Variants in MRPL19 observed in about 807,000 individuals in gnomAD.
The protein encoded by MRPL19 is mitochondrial ribosomal protein L19, also known as large ribosomal subunit protein bL19m.
In MRPL19, 31 loss-of-function variants were observed where a neutral mutation model predicts 34.0. The observed-to-expected ratio is 0.91, with a 90% CI of 0.68 to 1.23. The LOEUF (loss-of-function observed/expected upper bound fraction) is 1.23. Among genes scored for constraint, MRPL19 ranks in the 50% most tolerant of loss-of-function variants. The probability of loss-of-function intolerance (pLI) is 0.00; values close to 1 mark genes in which losing one functional copy is unlikely to be tolerated. For missense variants in MRPL19, 384 were observed against 367.6 expected (o/e 1.04, Z -0.37); for synonymous variants, 152 against 127.7 (o/e 1.19, Z -1.28).
chr2:75,652,686 C>A, intron 4 of MRPL19, 29 bp downstream of exon 4: 1 of 1,596,126 alleles, frequency 6.3e-7, no homozygotes, highest in South Asian at 1.1e-5. Context: ...TTTTCATTGT[C>A]TAGAAAATGT....
At chr2:75,651,479 C>G in intron 2 of MRPL19, 1 of 527,228 alleles carries the variant, frequency 1.9e-6, no homozygotes. Flanking sequence ...CTAGTGCAGT[C>G]ATATACCATC....
In MRPL19 at chr2:75,658,809, G is replaced by A. The variant is rs1172830035; in HGVS notation, c.*3524G>A. ...ACTGTAGTTTTCTATATGTCTCTTA[G>A]GTCAAGGTGGTTTACAATGTGTTAA... On this transcript the variant is annotated 3_prime_UTR_variant, in exon 6 of 6. Coordinates refer to ENST00000393909, the MANE Select transcript of MRPL19 (RefSeq NM_014763.4). 2.6e-5 allele frequency among the ~76,000 whole-genome samples: 4 copies of A among 151,966 alleles called. No homozygotes were observed. The highest frequency in any genetic ancestry group is 5.9e-5 in the Non-Finnish European group (4 of 67,968).
chr2:75,660,644 T>C lies in MRPL19; in HGVS notation c.*5359T>C, dbSNP rs1042070096. 1 of 152,204 alleles carries C rather than the reference T, an allele frequency of 6.6e-6. No individual in the cohort carries two copies. Among genetic ancestry groups the C allele is most frequent in the East Asian group, 1.9e-4 (1 of 5,188 alleles). The allele number at this position is 152,204 out of a possible 1,614,324, so 9.4% of individuals were successfully genotyped here. ...TTAGTTTGTGTTTAATAGTTTGACATAGATTTCCTTGAAAGGAGTTAAAAC... is the reference window on the plus strand; with the variant it reads ...TTAGTTTGTGTTTAATAGTTTGACACAGATTTCCTTGAAAGGAGTTAAAAC... On this transcript the variant is annotated 3_prime_UTR_variant, in exon 6 of 6. Coordinates refer to ENST00000393909, the MANE Select transcript of MRPL19 (RefSeq NM_014763.4).
intron 4 of MRPL19, 68 bp from the exon 5 acceptor site, chr2:75,654,668 A>C: frequency 2.9e-6 from 4 of 1,378,560 alleles, no homozygotes; most frequent in Non-Finnish European, 3.0e-6. Flanking sequence ...AAATGCTTTT[A>C]CTGCAGTATG....
At chr2:75,649,883 T>G (rs1678296529) in intron 2 of MRPL19, among the ~76,000 whole-genome samples, 1 of 152,166 alleles carries the variant, frequency 6.6e-6, no homozygotes, top group Non-Finnish European at 1.5e-5. Flanking sequence ...TCTACCCTCC[T>G]CGGCCTCCCA....
In MRPL19 at chr2:75,655,134, T is replaced by C. The variant is rs1678417999; in HGVS notation, c.728T>C (p.Ile243Thr). 4 of 1,609,718 alleles carry C rather than the reference T, an allele frequency of 2.5e-6. No individual in the cohort carries two copies. In the South Asian group the frequency reaches 3.3e-5, roughly 13 times the overall value. ...WERPNFNIKGIRFDLCLTEQQ... is the reference protein window; with the variant it reads ...WERPNFNIKGTRFDLCLTEQQ... ...CGTCCAAATTTTAATATTAAAGGAA[T>C]CAGATTTGATCTTTGTTTAACTGAA... The change falls in exon 6 of 6, where the codon ATC becomes ACC. Residue 243 changes from isoleucine to threonine, a missense_variant. Transcript: ENST00000393909.
Position 75,658,727 on chromosome 2 carries a change from C to G in MRPL19, c.*3442C>G, listed in dbSNP as rs1678526319. On this transcript the variant is annotated 3_prime_UTR_variant, in exon 6 of 6. Coordinates refer to ENST00000393909, the MANE Select transcript of MRPL19 (RefSeq NM_014763.4). ...ATTGGTGTGTGGCCTGATAGATGGTCTGTCCTGGAGAATGTTCCTCATACA... is the reference window on the plus strand; with the variant it reads ...ATTGGTGTGTGGCCTGATAGATGGTGTGTCCTGGAGAATGTTCCTCATACA... Among the ~76,000 whole-genome samples the G allele has an allele frequency of 6.6e-6, 1 of 152,046 alleles. No individual in the cohort carries two copies. Among genetic ancestry groups the G allele is most frequent in the Non-Finnish European group, 1.5e-5 (1 of 67,986 alleles).
intron 2 of MRPL19, 197 bp from the exon 3 acceptor site, chr2:75,651,945 C>G (rs574788936): frequency 1.8e-4 from 71 of 397,450 alleles, no homozygotes; most frequent in African/African-American, 1.4e-3. Context: ...AAGCTTTTAA[C>G]AAAATACCAG....
rs569858123 is a variant in MRPL19 at position 75,656,318 on chromosome 2, G to A, written c.*1033G>A. ...TGGTCCATACTCACCTGGATATACT[G>A]TTCCTCAGGTTAAAAAATACAGTAC... On this transcript the variant is annotated 3_prime_UTR_variant, in exon 6 of 6. Transcript: ENST00000393909. The A allele has an allele frequency of 6.6e-6, 1 of 152,244 alleles. No homozygotes were observed. The highest frequency in any genetic ancestry group is 6.5e-5 in the Admixed American group (1 of 15,288). The allele number at this position is 152,244 out of a possible 1,614,324, so 9.4% of individuals were successfully genotyped here.
At chr2:75,647,676 T>C (rs1414219955) in intron 2 of MRPL19, 1 of 154,134 alleles carries the variant, frequency 6.5e-6, no homozygotes, top group African/African-American at 2.4e-5. Flanking sequence ...TGTCTGAAAC[T>C]TACTCATCAA....
Position 75,656,770 on chromosome 2 carries a change from C to T in MRPL19, c.*1485C>T, listed in dbSNP as rs530728590. On this transcript the variant is annotated 3_prime_UTR_variant, in exon 6 of 6. Coordinates refer to ENST00000393909, the MANE Select transcript of MRPL19 (RefSeq NM_014763.4). ...TCCATTGTATTGGGTTTTAGGTGAA[C>T]CCTTCCAGATAGTAACTCATTTCTG... The T allele has an allele frequency of 7.9e-5, 12 of 152,184 alleles. No homozygotes were observed. Among genetic ancestry groups the T allele is most frequent in the African/African-American group, 2.9e-4 (12 of 41,518 alleles). 9.4% of individuals were successfully genotyped at this position (152,184 alleles called of 1,614,324 possible).
rs1157465483 is a variant in MRPL19, at chr2:75,656,219, G to A, written c.*934G>A. 1.3e-5 allele frequency: 2 copies of A among 152,114 alleles called. No homozygotes were observed. The highest frequency in any genetic ancestry group is 2.9e-5 in the Non-Finnish European group (2 of 68,014). The allele number at this position is 152,114 out of a possible 1,614,324, so 9.4% of individuals were successfully genotyped here. On this transcript the variant is annotated 3_prime_UTR_variant, in exon 6 of 6. Transcript: ENST00000393909. ...ACAATACCTTTGGTATGATATGAGT[G>A]TTGTTGCTGATCCATGCAGCATGGA...
rs766378780 is a variant in MRPL19, at chr2:75,652,709, C to A, written c.475+52C>A. On this transcript the variant is annotated intron_variant, in intron 4 of 5. Coordinates refer to ENST00000393909, the MANE Select transcript of MRPL19 (RefSeq NM_014763.4). ...GTCTAGAAAATGTTATCTCAGGATT[C>A]CTTTTTGTTTCTGCATCCTGGGATA... The A allele has an allele frequency of 1.9e-6, 3 of 1,561,612 alleles. No homozygotes were observed. In the African/African-American group the frequency reaches 4.1e-5, roughly 21 times the overall value.
chr2:75,650,689 A>T (rs796452312), intron 2 of MRPL19, among the ~76,000 whole-genome samples: 2 of 152,166 alleles, frequency 1.3e-5, no homozygotes, highest in African/African-American at 4.8e-5. Flanking sequence ...AAATGCAGGG[A>T]TGTGAGACTG....
rs758581726 is a variant in MRPL19, at chr2:75,652,605, A to G, written c.423A>G (p.Ser141=). ...TTCTGGGGATTTGCATTCAGAGATC[A>G]GGAAGAGGACTTGGAGCTACTTTCA... ...SQFLGICIQR[S]GRGLGATFIL... Residue 141 remains serine, a synonymous_variant, in exon 4 of 6, where the codon TCA becomes TCG. Coordinates refer to ENST00000393909, the MANE Select transcript of MRPL19 (RefSeq NM_014763.4). The G allele has an allele frequency of 5.6e-6, 9 of 1,613,874 alleles. No homozygotes were observed. The highest frequency in any genetic ancestry group is 5.5e-5 in the South Asian group (5 of 91,052).
intron 4 of MRPL19, among the ~76,000 whole-genome samples, 198 bp downstream of exon 4, chr2:75,652,855 A>C (rs17689803): frequency 0.016 from 2,433 of 152,288 alleles, 37 homozygotes; most frequent in Middle Eastern, 0.071. Flanking sequence ...CTTTCTCTTG[A>C]AGGCTTCTTA....
In MRPL19 at chr2:75,659,931, T is replaced by C. The variant is rs1678565550; in HGVS notation, c.*4646T>C. Among the ~76,000 whole-genome samples, 2 of 152,174 alleles carry C rather than the reference T, an allele frequency of 1.3e-5. No homozygotes were observed. Among genetic ancestry groups the C allele is most frequent in the Admixed American group, 6.5e-5 (1 of 15,272 alleles). On this transcript the variant is annotated 3_prime_UTR_variant, in exon 6 of 6. Transcript: ENST00000393909. ...GTCTTTTATCAAATTTTGGACATAT[T>C]TGGCTATTATTTCTTCAATTTTTTT...
In MRPL19 at chr2:75,650,179, A is replaced by G. The variant is rs372510729; in HGVS notation, c.222-1963A>G. On this transcript the variant is annotated intron_variant, in intron 2 of 5. Transcript: ENST00000393909. ...GGGGCTTCCACAATATTGATAATTT[A>G]TTTCTTGAGGTGGGTGGTAAAGACA... 7.9e-5 allele frequency among the ~76,000 whole-genome samples: 12 copies of G among 152,120 alleles called. 1 individual carries two copies. Among genetic ancestry groups the G allele is most frequent in the Non-Finnish European group, 1.6e-4 (11 of 68,012 alleles).
chr2:75,650,938 A>G (rs1336186291), intron 2 of MRPL19, among the ~76,000 whole-genome samples: 2 of 152,146 alleles, frequency 1.3e-5, no homozygotes, highest in African/African-American at 2.4e-5. Context: ...AAGGAAGCAC[A>G]CTAGAAAGGC....
Sources: allele counts gnomAD v4.1 joint callset (sites outside exome capture counted in the v4.1 genomes callset), GRCh38; gene constraint gnomAD v4.1.1; transcripts MANE v1.5; gene names NCBI Gene and HGNC (gene_info 2026-07-23, HGNC 2026-07-21).